PRKAR1B: variants seen among roughly 807,000 people sequenced by gnomAD.
The protein encoded by PRKAR1B is cAMP-dependent protein kinase type I-beta regulatory subunit.
Under a neutral mutation model 46.5 loss-of-function variants are expected in PRKAR1B, and 22 were observed. That is an observed-to-expected ratio of 0.47 (90% confidence interval 0.34 to 0.68). PRKAR1B has a LOEUF of 0.68. Ranked by LOEUF, PRKAR1B falls within the 30% of genes least tolerant of loss-of-function variation. The pLI, the probability that PRKAR1B is intolerant of heterozygous loss-of-function variation, is 0.01. For synonymous variants in PRKAR1B, 259 were observed against 217.7 expected (o/e 1.19, Z -1.67); for missense variants, 445 against 535.6 (o/e 0.83, Z 1.67).
At chr7:565,605 G>C (rs556348068) in intron 9 of PRKAR1B, 1 of 152,190 alleles carries the variant, frequency 6.6e-6, no homozygotes, top group Non-Finnish European at 1.5e-5. Flanking sequence ...TAAACATCCC[G>C]TGGCTGCAAA....
At chr7:600,674 C>T (rs369818553) in intron 6 of PRKAR1B, among the ~76,000 whole-genome samples, 3 of 152,096 alleles carry the variant, frequency 2.0e-5, no homozygotes, top group South Asian at 2.1e-4. Context: ...GAGGGAAGCC[C>T]GGAACGGCCA....
At chr7:609,314 C>CT (rs201348297) in intron 4 of PRKAR1B, among the ~76,000 whole-genome samples, 2 of 152,242 alleles carry the variant, frequency 1.3e-5, no homozygotes, top group Admixed American at 6.5e-5. Flanking sequence ...ATTCCTCCCT[C>CT]TTTTTTAAAA....
At chr7:633,419 T>C (rs964836127) in intron 4 of PRKAR1B, among the ~76,000 whole-genome samples, 1 of 152,140 alleles carries the variant, frequency 6.6e-6, no homozygotes, top group Middle Eastern at 3.2e-3. Flanking sequence ...TCCCACGACT[T>C]GGGAGCCATA....
At chr7:702,849 C>CATAA (rs978895569) in intron 2 of PRKAR1B, among the ~76,000 whole-genome samples, 3 of 151,524 alleles carry the variant, frequency 2.0e-5, no homozygotes, top group Non-Finnish European at 4.4e-5. Flanking sequence ...TAAATAAATA[C>CATAA]ATAAATAAAT....
chr7:616,169 C>T (rs1444087723), intron 4 of PRKAR1B, among the ~76,000 whole-genome samples: 1 of 152,194 alleles, frequency 6.6e-6, no homozygotes, highest in Non-Finnish European at 1.5e-5. Context: ...CAGGTACAGG[C>T]CCTGTCTGGT....
chr7:582,500 G>C (rs1467875358), intron 8 of PRKAR1B, among the ~76,000 whole-genome samples: 1 of 152,272 alleles, frequency 6.6e-6, no homozygotes, highest in Non-Finnish European at 1.5e-5. Flanking sequence ...ACTCTTCTGG[G>C]AGGCCACGGA....
chr7:652,428 C>G (rs1296409876), intron 4 of PRKAR1B, among the ~76,000 whole-genome samples: 2 of 150,608 alleles, frequency 1.3e-5, no homozygotes, highest in African/African-American at 2.5e-5. Flanking sequence ...GGAAACCCCT[C>G]TCGGAAGACA....
At chr7:592,630 A>G (rs1583264590) in intron 7 of PRKAR1B, among the ~76,000 whole-genome samples, 1 of 152,148 alleles carries the variant, frequency 6.6e-6, no homozygotes, top group Non-Finnish European at 1.5e-5. Context: ...GGCTCTGGAT[A>G]CCCCAGCACA....
chr7:584,041 G>C (rs1780458531), intron 8 of PRKAR1B, among the ~76,000 whole-genome samples: 1 of 152,182 alleles, frequency 6.6e-6, no homozygotes, highest in South Asian at 2.1e-4. Flanking sequence ...GGAACTGAGA[G>C]CAATGATGGC....
rs746086632 is a variant in PRKAR1B, at chr7:711,292, G to A, written c.177+37C>T. 1.1e-5 allele frequency: 17 copies of A among 1,611,008 alleles called. No individual in the cohort carries two copies. In the Admixed American group the frequency reaches 1.2e-4, roughly 11 times the overall value. On this transcript the variant is annotated intron_variant, in intron 2 of 10. Transcript: ENST00000537384. ...GGCTGCCGCCTCTGCCCCAGGACAC[G>A]TGCGAAGGGAAGCAGCGGGCGGCGG...
intron 4 of PRKAR1B, among the ~76,000 whole-genome samples, chr7:634,487 A>G (rs1032091512): frequency 2.6e-5 from 4 of 152,096 alleles, no homozygotes; most frequent in Admixed American, 1.3e-4. Context: ...CCAAAAAAAA[A>G]GAACTGGGAC....
intron 4 of PRKAR1B, among the ~76,000 whole-genome samples, chr7:654,656 A>G (rs1006302755): frequency 6.6e-6 from 1 of 150,974 alleles, no homozygotes; most frequent in Non-Finnish European, 1.5e-5. Flanking sequence ...TGCCATTTTC[A>G]TCACCATCAA....
chr7:685,318 G>A (rs7811832), intron 2 of PRKAR1B, among the ~76,000 whole-genome samples: 13 of 37,920 alleles, frequency 3.4e-4, no homozygotes, highest in East Asian at 2.2e-3. Context: ...GTATATATAC[G>A]TATATATACG....
At chr7:576,925 C>T (rs543643366) in intron 9 of PRKAR1B, among the ~76,000 whole-genome samples, 108 of 152,154 alleles carry the variant, frequency 7.1e-4, no homozygotes, top group Middle Eastern at 3.4e-3. Context: ...TCCTGCTTTT[C>T]GGCCTGTGTT....
upstream of PRKAR1B, among the ~76,000 whole-genome samples, chr7:727,823 C>T (rs1781409990): frequency 6.7e-6 from 1 of 149,114 alleles, no homozygotes; most frequent in Non-Finnish European, 1.5e-5. Context: ...TGCCTGAGCC[C>T]CCTCCACCCC....
At chr7:648,392 A>G (rs1784730086) in intron 4 of PRKAR1B, among the ~76,000 whole-genome samples, 1 of 151,830 alleles carries the variant, frequency 6.6e-6, no homozygotes, top group Non-Finnish European at 1.5e-5. Flanking sequence ...CAGGCAGATC[A>G]CCTGAGGTCA....
chr7:715,915 CCG>C (rs1780861156), intron 1 of PRKAR1B, among the ~76,000 whole-genome samples: 2 of 152,146 alleles, frequency 1.3e-5, no homozygotes, highest in South Asian at 4.1e-4. Context: ...TGGGGTTTCA[CCG>C]TGTTAGCCAG....
At chr7:555,904 G>A (rs1021956107) in intron 9 of PRKAR1B, among the ~76,000 whole-genome samples, 3 of 152,172 alleles carry the variant, frequency 2.0e-5, no homozygotes, top group South Asian at 2.1e-4. Context: ...CCCAGGCAGC[G>A]TGGGCTTGCA....
chr7:727,144 CGCCTGGCGCTTGTGCAGCTGCTGG>C (rs1781347474), intron 1 of PRKAR1B, 42 bp downstream of exon 1: 2 of 1,251,290 alleles, frequency 1.6e-6, no homozygotes, highest in Non-Finnish European at 2.0e-6. Flanking sequence ...TGAGGAGCTG[CGCCTGGCGCTTGTGCAGCTGCTGG>C]GCCTGGCCGT....
Sources: gnomAD v4.1 joint callset for allele counts (sites outside exome capture counted in the v4.1 genomes callset) on GRCh38, gnomAD v4.1.1 for gene constraint, MANE v1.5 for transcripts, NCBI Gene and HGNC (gene_info 2026-07-23, HGNC 2026-07-21) for gene names.